The following RFC4 variants were observed in gnomAD, a reference collection of about 807,000 sequenced individuals.
RFC4 encodes A1 37 kDa subunit.
In RFC4, 38 loss-of-function variants were observed where a neutral mutation model predicts 47.6. The observed-to-expected ratio is 0.80, with a 90% CI of 0.62 to 1.05. RFC4 has a LOEUF of 1.05. RFC4 is among the 50% of genes least tolerant of loss of function. RFC4 has a pLI of 0.00. For synonymous variants in RFC4, 164 were observed against 150.0 expected (o/e 1.09, Z -0.68); for missense variants, 489 against 434.0 (o/e 1.13, Z -1.13).
intron 2 of RFC4, among the ~76,000 whole-genome samples, chr3:186,801,944 A>T (rs984327617): frequency 3.9e-4 from 57 of 144,656 alleles, no homozygotes; most frequent in African/African-American, 1.4e-3. Flanking sequence ...AAGCGCTTGA[A>T]CCCTGGAGGC....
chr3:186,791,977 GT>G, intron 7 of RFC4, 127 bp from the exon 8 acceptor site: 1 of 784,870 alleles, frequency 1.3e-6, no homozygotes, highest in South Asian at 1.9e-5. Flanking sequence ...AAACATTTCT[GT>G]TTTGGGAGAA....
chr3:186,801,389 T>C (rs1032694925), intron 2 of RFC4, 194 bp from the exon 3 acceptor site: 3 of 583,806 alleles, frequency 5.1e-6, no homozygotes, highest in Non-Finnish European at 3.0e-6. Context: ...TCTGAAAGAG[T>C]GAAATAATGT....
intron 2 of RFC4, among the ~76,000 whole-genome samples, chr3:186,804,382 A>G (rs3917101): frequency 2.0e-5 from 3 of 152,048 alleles, no homozygotes; most frequent in Non-Finnish European, 4.4e-5. Flanking sequence ...TATCTACAAA[A>G]TAAGGGAGTT....
intron 4 of RFC4, among the ~76,000 whole-genome samples, chr3:186,795,168 C>T (rs542971631): frequency 6.6e-6 from 1 of 152,240 alleles, no homozygotes; most frequent in East Asian, 1.9e-4. Flanking sequence ...TCACACCTGG[C>T]TAATTTTGTT....
At chr3:186,802,541 C>T (rs1722380092) in intron 2 of RFC4, among the ~76,000 whole-genome samples, 1 of 151,932 alleles carries the variant, frequency 6.6e-6, no homozygotes, top group Non-Finnish European at 1.5e-5. Context: ...TGAGGGCTAA[C>T]AAAAACAACA....
chr3:186,794,679 G>A lies in RFC4; in HGVS notation c.389C>T (p.Thr130Ile). Residue 130 changes from threonine (T) to isoleucine (I), a missense_variant, in exon 5 of 11, where the codon ACT becomes ATT. By Grantham distance (89) the Thr-to-Ile change is moderately conservative. Coordinates refer to ENST00000296273, the MANE Select transcript of RFC4 (RefSeq NM_002916.5). ...TTACTCTGAGCGACTTCCTGACACA[G>A]TTAATTGAGCAAAATTTTTCACTTT... ...REKVKNFAQL[T>I]VSGSRSDGKP... 8 of 1,614,048 alleles carry A rather than the reference G, an allele frequency of 5.0e-6. No individual in the cohort carries two copies. The highest frequency in any genetic ancestry group is 6.8e-6 in the Non-Finnish European group (8 of 1,179,948).
At chr3:186,792,060 G>A (rs377687241) in intron 7 of RFC4, among the ~76,000 whole-genome samples, 1 of 152,108 alleles carries the variant, frequency 6.6e-6, no homozygotes, top group Non-Finnish European at 1.5e-5. Flanking sequence ...AATTTGCAGA[G>A]ATGAAAAAAT....
At chr3:186,806,134 G>C (rs918316399) in intron 1 of RFC4, among the ~76,000 whole-genome samples, 156 bp downstream of exon 1, 1 of 152,216 alleles carries the variant, frequency 6.6e-6, no homozygotes, top group Non-Finnish European at 1.5e-5. Flanking sequence ...GGGCCTGCAA[G>C]ATGCTGTCCG....
chr3:186,804,647 C>G lies in RFC4; in HGVS notation c.67G>C (p.Ala23Pro). ...TCTCCGCTACTTCCCGCACTGGCAG[C>G]TACTCCTCGATCCTTGGTCAGCGGG... is the stretch of plus-strand genomic sequence containing the variant. ...KPPLTKDRGV[A>P]ASAGSSGENK... Residue 23 changes from alanine to proline, a missense_variant, in exon 2 of 11, where the codon GCT (alanine) becomes CCT (proline). Ala to Pro is a conservative substitution (Grantham distance 27). Coordinates refer to ENST00000296273, the MANE Select transcript of RFC4 (RefSeq NM_002916.5). 3 of 1,614,130 alleles carry G rather than the reference C, an allele frequency of 1.9e-6. No individual in the cohort carries two copies. Among genetic ancestry groups the G allele is most frequent in the Non-Finnish European group, 2.5e-6 (3 of 1,180,014 alleles).
intron 3 of RFC4, among the ~76,000 whole-genome samples, chr3:186,799,341 T>TA (rs1329437332): frequency 2.6e-5 from 4 of 152,166 alleles, no homozygotes; most frequent in African/African-American, 7.2e-5. Context: ...TCTTTTGAAT[T>TA]AAAAAAACTA....
chr3:186,792,864 C>T lies in RFC4; in HGVS notation c.494G>A (p.Arg165His), dbSNP rs376471242. The change falls in exon 6 of 11, where the codon CGT (arginine) becomes CAT (histidine). Residue 165 changes from arginine (R) to histidine (H), a missense_variant. By Grantham distance (29) the Arg-to-His change is conservative (BLOSUM62 0). Transcript: ENST00000296273. ...MTSAAQAALR[R>H]TMEKESKTTR... is the part of the protein sequence containing the mutation. ...GGTTTTCGACTCCTTCTCCATGGTACGTCTTAAAGCTGCCTGAGCAGCTGA... is the reference window on the plus strand; with the variant it reads ...GGTTTTCGACTCCTTCTCCATGGTATGTCTTAAAGCTGCCTGAGCAGCTGA... 51 of 1,613,738 alleles carry T rather than the reference C, an allele frequency of 3.2e-5. No homozygotes were observed. Among genetic ancestry groups the T allele is most frequent in the South Asian group, 4.4e-5 (4 of 91,054 alleles).
chr3:186,803,913 G>T (rs898460062), intron 2 of RFC4, among the ~76,000 whole-genome samples: 1 of 152,086 alleles, frequency 6.6e-6, no homozygotes, highest in Non-Finnish European at 1.5e-5. Context: ...TGGGCGCGGT[G>T]GCTCATGCAT....
At chr3:186,790,115 A>T in intron 10 of RFC4, 27 bp downstream of exon 10, 1 of 1,604,478 alleles carries the variant, frequency 6.2e-7, no homozygotes, top group Non-Finnish European at 8.5e-7. Context: ...TAAATGTTCC[A>T]TTGACATGTG....
chr3:186,803,670 AT>A (rs766384165), intron 2 of RFC4, among the ~76,000 whole-genome samples: 4,368 of 134,312 alleles, frequency 0.033, 121 homozygotes, highest in East Asian at 0.091. Context: ...TGCCTGGCTA[AT>A]TTTTTTTTTT....
intron 3 of RFC4, among the ~76,000 whole-genome samples, chr3:186,798,499 A>C (rs1722288841): frequency 6.6e-6 from 1 of 151,666 alleles, no homozygotes; most frequent in African/African-American, 2.4e-5. Context: ...ATCAGATACC[A>C]CTCTGCTTGC....
chr3:186,792,693 G>A lies in RFC4; in HGVS notation c.555-83C>T, dbSNP rs1034195493. The A allele has an allele frequency of 1.7e-5, 27 of 1,557,854 alleles. No individual in the cohort carries two copies. The African/African-American group carries it at 3.6e-4, about 21-fold the overall frequency. ...CTCATTTTTATCAAGAACAAATCAAGATTTGATGGAGGAAAAATTAATGTA... is the reference window on the plus strand; with the variant it reads ...CTCATTTTTATCAAGAACAAATCAAAATTTGATGGAGGAAAAATTAATGTA... On this transcript the variant is annotated intron_variant, in intron 6 of 10. Coordinates refer to ENST00000296273, the MANE Select transcript of RFC4 (RefSeq NM_002916.5).
At chr3:186,790,113 C>A (rs374990172) in intron 10 of RFC4, 29 bp downstream of exon 10, 6 of 1,603,048 alleles carry the variant, frequency 3.7e-6, no homozygotes, top group African/African-American at 1.3e-5. Flanking sequence ...GTTAAATGTT[C>A]CATTGACATG....
At chr3:186,805,833 GGTGCCTAGAACA>G (rs1722467933) in intron 1 of RFC4, among the ~76,000 whole-genome samples, 1 of 152,074 alleles carries the variant, frequency 6.6e-6, no homozygotes, top group Non-Finnish European at 1.5e-5. Context: ...TACATGCCCT[GGTGCCTAGAACA>G]GTGCCTGGTA....
chr3:186,799,285 T>G (rs1436193901), intron 3 of RFC4, among the ~76,000 whole-genome samples: 3 of 152,230 alleles, frequency 2.0e-5, no homozygotes, highest in African/African-American at 7.2e-5. Flanking sequence ...TTCTTATAAT[T>G]CTTTAAAACC....
Sources: gnomAD v4.1 joint callset for allele counts (sites outside exome capture counted in the v4.1 genomes callset) on GRCh38, gnomAD v4.1.1 for gene constraint, MANE v1.5 for transcripts, NCBI Gene and HGNC (gene_info 2026-07-23, HGNC 2026-07-21) for gene names.